PLA1A: variants seen among roughly 807,000 people sequenced by gnomAD.
PLA1A encodes phospholipase A1 member A, also known as phosphatidylserine-specific phospholipase A1alpha.
PLA1A carries 47 observed loss-of-function variants against 49.4 expected under a neutral mutation model. The observed-to-expected ratio is 0.95, with a 90% CI of 0.75 to 1.21. The LOEUF (loss-of-function observed/expected upper bound fraction) is 1.21. Among genes scored for constraint, PLA1A ranks in the 50% most tolerant of loss-of-function variants. The probability of loss-of-function intolerance (pLI) is 0.00; values close to 1 mark genes in which losing one functional copy is unlikely to be tolerated. For missense variants in PLA1A, 561 were observed against 563.9 expected (o/e 0.99, Z 0.05); for synonymous variants, 224 against 207.9 (o/e 1.08, Z -0.67).
At chr3:119,629,298 C>A in intron 10 of PLA1A, 86 bp from the exon 11 acceptor site, 2 of 817,526 alleles carry the variant, frequency 2.4e-6, no homozygotes, top group South Asian at 1.4e-5. Flanking sequence ...TTTCTTTCAC[C>A]AGACATCATG....
chr3:119,601,489 G>A (rs1413922326), intron 1 of PLA1A, among the ~76,000 whole-genome samples: 8 of 152,224 alleles, frequency 5.3e-5, no homozygotes, highest in Admixed American at 6.5e-5. Context: ...AGACAAGCCA[G>A]TATTTCATTC....
Position 119,597,916 on chromosome 3 carries a change from GC to G in PLA1A, c.8del (p.Pro3GlnfsTer64). 6.2e-7 allele frequency: 1 copy of G among 1,602,622 alleles called. No homozygotes were observed. Among genetic ancestry groups the G allele is most frequent in the Non-Finnish European group, 8.5e-7 (1 of 1,172,422 alleles). M[P>X]PGPWESCFWV... ...GCTCTGAGATTTCCAGCTCAGCGAT[GC>G]CCCCAGGTCCCTGGGAGAGCTGCTT... On this transcript the variant is annotated frameshift_variant, in exon 1 of 11. Transcript: ENST00000273371. LOFTEE classifies it high-confidence loss of function.
intron 9 of PLA1A, among the ~76,000 whole-genome samples, chr3:119,626,669 G>A (rs906994692): frequency 2.0e-5 from 3 of 152,164 alleles, no homozygotes; most frequent in East Asian, 1.9e-4. Context: ...TATTTCTCGG[G>A]TTGGGATGTT....
At chr3:119,627,505 G>A (rs947206095) in intron 9 of PLA1A, among the ~76,000 whole-genome samples, 1 of 152,078 alleles carries the variant, frequency 6.6e-6, no homozygotes, top group African/African-American at 2.4e-5. Flanking sequence ...TCTTCCCTCA[G>A]AAGGAAAAAA....
intron 7 of PLA1A, 98 bp from the exon 8 acceptor site, chr3:119,619,465 A>G: frequency 1.3e-6 from 1 of 791,350 alleles, no homozygotes; most frequent in Non-Finnish European, 2.2e-6. Flanking sequence ...TGTCCGTGGA[A>G]TAAATGGGTG....
Position 119,629,421 on chromosome 3 carries a change from C to T in PLA1A, c.1324C>T (p.Gln442Ter). The T allele has an allele frequency of 6.2e-7, 1 of 1,612,146 alleles. No individual in the cohort carries two copies. Residue 442 changes from glutamine to a stop codon, truncating the protein, a stop_gained, in exon 11 of 11, where the codon CAA becomes TAA. Coordinates refer to ENST00000273371, the MANE Select transcript of PLA1A (RefSeq NM_015900.4). LOFTEE classifies it high-confidence loss of function. ...CTGCTTACCTGAACCAGTGAACTTACAAGCAAGTGTGACTGTTTCCTGTGA... is the reference window on the plus strand; with the variant it reads ...CTGCTTACCTGAACCAGTGAACTTATAAGCAAGTGTGACTGTTTCCTGTGA... ...MVCLPEPVNL[Q>*]ASVTVSCDLK...
At chr3:119,606,443 T>C (rs1244931303) in intron 1 of PLA1A, among the ~76,000 whole-genome samples, 2 of 152,174 alleles carry the variant, frequency 1.3e-5, no homozygotes, top group Non-Finnish European at 2.9e-5. Context: ...TCTGAAGTAT[T>C]GGGGGTTAAG....
chr3:119,598,367 A>T lies in PLA1A; in HGVS notation c.73+381A>T, dbSNP rs1029038871. 9.2e-5 allele frequency among the ~76,000 whole-genome samples: 14 copies of T among 152,348 alleles called. No individual in the cohort carries two copies. The South Asian group carries it at 2.9e-3, about 32-fold the overall frequency. The stretch of plus-strand genomic sequence containing the variant: ...TTTAAAATTTAGGTTTTCCAAACTA[A>T]TAATGATTTTGTCACTGAGATTGTT... On this transcript the variant is annotated intron_variant, in intron 1 of 10. Transcript: ENST00000273371.
At chr3:119,610,237 TG>T (rs930037377) in intron 4 of PLA1A, among the ~76,000 whole-genome samples, 1 of 152,218 alleles carries the variant, frequency 6.6e-6, no homozygotes, top group African/African-American at 2.4e-5. Flanking sequence ...GGTTGGCACC[TG>T]GGTTGATTCC....
chr3:119,628,873 C>T lies in PLA1A; in HGVS notation c.1286+8C>T, dbSNP rs2052584239. On this transcript the variant is annotated splice_region_variant and intron_variant, in intron 10 of 10. Transcript: ENST00000273371. The stretch of plus-strand genomic sequence containing the variant: ...TTTGCCTGTCAATGACAGGTAAGCC[C>T]CAGTATTCACCTCTGCACCAGATGC... 2 of 1,609,894 alleles carry T rather than the reference C, an allele frequency of 1.2e-6. No individual in the cohort carries two copies. Among genetic ancestry groups the T allele is most frequent in the East Asian group, 2.2e-5 (1 of 44,866 alleles).
intron 8 of PLA1A, among the ~76,000 whole-genome samples, chr3:119,624,215 C>G (rs765155985): frequency 9.9e-5 from 15 of 152,192 alleles, no homozygotes; most frequent in Non-Finnish European, 2.2e-4. Flanking sequence ...AGGTGCTTTG[C>G]TGTTGCATTC....
At position 119,629,539 on chromosome 3, in the gene PLA1A, T is replaced by G; in HGVS notation, c.*71T>G. ...TGAGAGAGAGGTGTGATGAGGGATG[T>G]GTGTGTGCAGCTTATTGTAGACCAT... On this transcript the variant is annotated 3_prime_UTR_variant, in exon 11 of 11. Transcript: ENST00000273371. 1.2e-6 allele frequency: 1 copy of G among 819,680 alleles called. No homozygotes were observed. The highest frequency in any genetic ancestry group is 1.8e-5 in the Admixed American group (1 of 56,636). 50.8% of individuals were successfully genotyped at this position (819,680 alleles called of 1,614,324 possible). A position where few individuals can be genotyped will look rare whatever the true frequency, so the allele number is the denominator to read the frequency against.
chr3:119,618,746 T>C (rs780256338), intron 7 of PLA1A, among the ~76,000 whole-genome samples: 27 of 143,968 alleles, frequency 1.9e-4, no homozygotes, highest in Non-Finnish European at 3.2e-4. Flanking sequence ...TTGCTATGCA[T>C]ATCCCGTGGT....
intron 4 of PLA1A, among the ~76,000 whole-genome samples, chr3:119,610,478 C>T (rs1007608191): frequency 1.3e-5 from 2 of 152,116 alleles, no homozygotes; most frequent in Non-Finnish European, 2.9e-5. Context: ...TGCAGCCTTG[C>T]CAACATCTAT....
Position 119,605,701 on chromosome 3 carries a change from C to T in PLA1A, c.74-1073C>T, listed in dbSNP as rs182745228. On this transcript the variant is annotated intron_variant, in intron 1 of 10. Transcript: ENST00000273371. ...TGCATGGAAGTCAGGGACCACACCTCTGCATCACAGAAGTGGGGATCGGGG... is the reference window on the plus strand; with the variant it reads ...TGCATGGAAGTCAGGGACCACACCTTTGCATCACAGAAGTGGGGATCGGGG... Among the ~76,000 whole-genome samples the T allele has an allele frequency of 1.2e-3, 189 of 152,352 alleles. 1 individual carries two copies. Among genetic ancestry groups the T allele is most frequent in the East Asian group, 4.2e-3 (22 of 5,186 alleles).
chr3:119,609,613 G>A (rs776883186), intron 4 of PLA1A, 37 bp downstream of exon 4: 1 of 1,088,442 alleles, frequency 9.2e-7, no homozygotes, highest in South Asian at 1.3e-5. Context: ...AGGCTTTAGA[G>A]ATAGAGAAAG....
intron 2 of PLA1A, 22 bp downstream of exon 2, chr3:119,606,997 G>C: frequency 6.4e-7 from 1 of 1,572,288 alleles, no homozygotes; most frequent in South Asian, 1.1e-5. Context: ...ATAACCAACA[G>C]GACTTCTCAA....
At chr3:119,610,699 T>C (rs1019190925) in intron 4 of PLA1A, among the ~76,000 whole-genome samples, 1 of 152,220 alleles carries the variant, frequency 6.6e-6, no homozygotes, top group Non-Finnish European at 1.5e-5. Flanking sequence ...TCCTTATAGA[T>C]TCTGGATATT....
chr3:119,626,031 G>A (rs2052531394), intron 9 of PLA1A, among the ~76,000 whole-genome samples: 1 of 152,196 alleles, frequency 6.6e-6, no homozygotes, highest in African/African-American at 2.4e-5. Flanking sequence ...AAGGAATTTA[G>A]CACAGTGAAC....
Sources: gnomAD v4.1 joint callset for allele counts (sites outside exome capture counted in the v4.1 genomes callset) on GRCh38, gnomAD v4.1.1 for gene constraint, MANE v1.5 for transcripts, NCBI Gene and HGNC (gene_info 2026-07-23, HGNC 2026-07-21) for gene names.